The following SLC7A6 variants were observed in gnomAD, a reference collection of about 807,000 sequenced individuals.
SLC7A6 encodes solute carrier family 7 member 6.
SLC7A6 carries 29 observed loss-of-function variants against 46.6 expected under a neutral mutation model. The observed-to-expected ratio is 0.62, with a 90% CI of 0.46 to 0.85. The LOEUF is 0.85. SLC7A6 is among the 40% of genes least tolerant of loss of function. The pLI is 0.00. For missense variants in SLC7A6, 527 were observed against 647.6 expected, an observed-to-expected ratio of 0.81 and a Z score of 2.02; for synonymous variants, 276 against 257.3, an observed-to-expected ratio of 1.07 and a Z score of -0.70.
At chr16:68,278,991 C>A (rs150295756) in intron 3 of SLC7A6, among the ~76,000 whole-genome samples, 3,343 of 152,014 alleles carry the variant, frequency 0.022, 111 homozygotes, top group African/African-American at 0.072. Flanking sequence ...GGCTGCCCCC[C>A]ACCTCCCTCC....
intron 8 of SLC7A6, among the ~76,000 whole-genome samples, 180 bp from the exon 9 acceptor site, chr16:68,296,184 G>T (rs1303389844): frequency 1.3e-5 from 2 of 152,094 alleles, no homozygotes; most frequent in African/African-American, 2.4e-5. Flanking sequence ...TACCCTGAGG[G>T]TTAATGTACC....
chr16:68,301,474 T>A lies in SLC7A6; in HGVS notation c.*4146T>A. Reference sequence around the variant, plus strand: ...AGGCTACTGCAGGAGCCCCTTCTCTTCTCAGAAAGGTCTGTTTTTGTTCCC... The same window carrying A: ...AGGCTACTGCAGGAGCCCCTTCTCTACTCAGAAAGGTCTGTTTTTGTTCCC... On this transcript the variant is annotated 3_prime_UTR_variant, in exon 11 of 11. Coordinates refer to ENST00000219343, the MANE Select transcript of SLC7A6 (RefSeq NM_003983.6). The A allele has an allele frequency of 2.1e-6, 3 of 1,429,546 alleles. No homozygotes were observed. The South Asian group carries it at 3.8e-5, about 18-fold the overall frequency. The allele number at this position is 1,429,546 out of a possible 1,614,324, so 88.6% of individuals were successfully genotyped here.
At chr16:68,290,562 C>T in intron 5 of SLC7A6, 22 bp downstream of exon 5, 4 of 1,613,506 alleles carry the variant, frequency 2.5e-6, no homozygotes, top group Non-Finnish European at 2.5e-6. Context: ...ATCACACTCT[C>T]ACTCCCCAGC....
chr16:68,290,744 G>A (rs938036008), intron 5 of SLC7A6: 26 of 621,552 alleles, frequency 4.2e-5, no homozygotes, highest in South Asian at 2.9e-4. Context: ...CCTCACGTTC[G>A]CACTGGAGGA....
intron 8 of SLC7A6, 146 bp downstream of exon 8, chr16:68,294,947 T>C: frequency 1.7e-6 from 1 of 587,314 alleles, no homozygotes; most frequent in Non-Finnish European, 3.0e-6. Flanking sequence ...CATTTAATTC[T>C]TTTATGGTTT....
Position 68,291,219 on chromosome 16 carries a change from T to C in SLC7A6, c.805T>C (p.Leu269=). ...CACTTGTCCTGACAGAAATTTGCCCTTGGCCATTGGGATTTCTATGCCAAT... is the reference window on the plus strand; with the variant it reads ...CACTTGTCCTGACAGAAATTTGCCCCTGGCCATTGGGATTTCTATGCCAAT... ...EIKNPERNLP[L]AIGISMPIVT... The change falls in exon 6 of 11, where the codon TTG becomes CTG. Residue 269 remains leucine (L), a synonymous_variant. Coordinates refer to ENST00000219343, the MANE Select transcript of SLC7A6 (RefSeq NM_003983.6). 6.2e-7 allele frequency: 1 copy of C among 1,614,252 alleles called. No individual in the cohort carries two copies. The highest frequency in any genetic ancestry group is 1.1e-5 in the South Asian group (1 of 91,086).
chr16:68,282,447 C>T (rs1284874047), intron 3 of SLC7A6, among the ~76,000 whole-genome samples: 1 of 152,032 alleles, frequency 6.6e-6, no homozygotes, highest in African/African-American at 2.4e-5. Flanking sequence ...AACAAGGATA[C>T]TTTAAAAAAA....
chr16:68,288,515 T>C (rs1028334091), intron 4 of SLC7A6, among the ~76,000 whole-genome samples: 3 of 152,184 alleles, frequency 2.0e-5, no homozygotes, highest in African/African-American at 7.2e-5. Context: ...TTGAGGTGTC[T>C]TTAGCCACAG....
Position 68,300,558 on chromosome 16 carries a change from A to T in SLC7A6, c.*3230A>T. The T allele has an allele frequency of 1.1e-6, 1 of 939,950 alleles. No individual in the cohort carries two copies. The allele number at this position is 939,950 out of a possible 1,614,324, so 58.2% of individuals were successfully genotyped here. A position where few individuals can be genotyped will look rare whatever the true frequency, so the allele number is the denominator to read the frequency against. ...TAATCAATGCTGAACCTTCTATTTCACTACCGCTCCCTGTTTTAGATATTC... is the reference window on the plus strand; with the variant it reads ...TAATCAATGCTGAACCTTCTATTTCTCTACCGCTCCCTGTTTTAGATATTC... On this transcript the variant is annotated 3_prime_UTR_variant, in exon 11 of 11. Transcript: ENST00000219343.
Position 68,301,361 on chromosome 16 carries a change from T to G in SLC7A6, c.*4033T>G. The G allele has an allele frequency of 4.3e-6, 7 of 1,614,162 alleles. No individual in the cohort carries two copies. Among genetic ancestry groups the G allele is most frequent in the Non-Finnish European group, 5.9e-6 (7 of 1,179,998 alleles). ...TACTTGCTCCACATCCGCTGTCTGC[T>G]GCTGCCTCTTTCCTCCTCACTCAGG... On this transcript the variant is annotated 3_prime_UTR_variant, in exon 11 of 11. Transcript: ENST00000219343.
At chr16:68,284,877 T>TA (rs59822771) in intron 3 of SLC7A6, among the ~76,000 whole-genome samples, 1 of 148,612 alleles carries the variant, frequency 6.7e-6, no homozygotes, top group African/African-American at 2.5e-5. Context: ...TTTTTTTTTT[T>TA]AGAGACAAGT....
chr16:68,290,475 C>T lies in SLC7A6; in HGVS notation c.729C>T (p.Ala243=), dbSNP rs375143315. The part of the protein sequence containing the change: ...MGNLSLALYS[A]LFSYSGWDTL... ...ACCTCTCTCTTGCCCTCTACTCTGC[C>T]CTCTTCTCTTACTCAGGTTGGGACA... Residue 243 remains alanine (A), a synonymous_variant, in exon 5 of 11, where the codon GCC becomes GCT. Transcript: ENST00000219343. 1 of 1,614,182 alleles carries T rather than the reference C, an allele frequency of 6.2e-7. No individual in the cohort carries two copies. Among genetic ancestry groups the T allele is most frequent in the African/African-American group, 1.3e-5 (1 of 75,032 alleles).
chr16:68,301,311 G>T lies in SLC7A6; in HGVS notation c.*3983G>T, dbSNP rs199896252. ...CCAGGTCGTGGGGGCTGTCATAGCC[G>T]AACTCCTTCTGCACATCCAGAGGGT... On this transcript the variant is annotated 3_prime_UTR_variant, in exon 11 of 11. Coordinates refer to ENST00000219343, the MANE Select transcript of SLC7A6 (RefSeq NM_003983.6). The T allele has an allele frequency of 6.2e-7, 1 of 1,613,938 alleles. No homozygotes were observed. The highest frequency in any genetic ancestry group is 8.5e-7 in the Non-Finnish European group (1 of 1,179,972).
chr16:68,289,621 C>A (rs1243064743), intron 4 of SLC7A6, among the ~76,000 whole-genome samples: 1 of 152,192 alleles, frequency 6.6e-6, no homozygotes, highest in Non-Finnish European at 1.5e-5. Flanking sequence ...CCTTAGAAGT[C>A]TGGGTCTTGT....
rs2043254598 is a variant in SLC7A6 at position 68,300,703 on chromosome 16, G to C, written c.*3375G>C. ...CCCCACTGCCAAAGGAAGTCAGTCA[G>C]TAATTTCACAACCGTTATCAGAGTT... On this transcript the variant is annotated 3_prime_UTR_variant, in exon 11 of 11. Transcript: ENST00000219343. 4 of 985,480 alleles carry C rather than the reference G, an allele frequency of 4.1e-6. No individual in the cohort carries two copies. The highest frequency in any genetic ancestry group is 9.4e-5 in the South Asian group (2 of 21,288). The allele number at this position is 985,480 out of a possible 1,614,324, so 61.0% of individuals were successfully genotyped here.
chr16:68,291,174 G>T, intron 5 of SLC7A6, 35 bp from the exon 6 acceptor site: 1 of 1,613,946 alleles, frequency 6.2e-7, no homozygotes, highest in Non-Finnish European at 8.5e-7. Context: ...AGGAGAGGTT[G>T]GTTCTAGGTA....
intron 4 of SLC7A6, 48 bp downstream of exon 4, chr16:68,287,919 T>C: frequency 6.2e-7 from 1 of 1,600,976 alleles, no homozygotes; most frequent in South Asian, 1.1e-5. Flanking sequence ...CTGGATTCCC[T>C]GAGGAGAACA....
intron 2 of SLC7A6, among the ~76,000 whole-genome samples, chr16:68,273,574 G>T (rs779047324): frequency 4.6e-5 from 7 of 152,136 alleles, no homozygotes; most frequent in Non-Finnish European, 1.0e-4. Context: ...CCAACATGAG[G>T]GGCATGCTGG....
At chr16:68,275,740 T>C (rs532836889) in intron 3 of SLC7A6, among the ~76,000 whole-genome samples, 8 of 152,246 alleles carry the variant, frequency 5.3e-5, no homozygotes, top group South Asian at 4.1e-4. Context: ...AGGATGGGGA[T>C]GGGAGAAGTT....
Sources: allele counts gnomAD v4.1 joint callset (sites outside exome capture counted in the v4.1 genomes callset), GRCh38; gene constraint gnomAD v4.1.1; transcripts MANE v1.5; gene names NCBI Gene and HGNC (gene_info 2026-07-23, HGNC 2026-07-21).